Variants in AGBL4 observed in about 807,000 individuals in gnomAD.
AGBL4 encodes cytosolic carboxypeptidase 6.
In AGBL4, 58 loss-of-function variants were observed where a neutral mutation model predicts 66.4. The observed-to-expected ratio is 0.87, with a 90% CI of 0.71 to 1.09. The LOEUF (loss-of-function observed/expected upper bound fraction) is 1.09, where lower values mean the gene tolerates loss of function less well. AGBL4 is among the 50% of genes least tolerant of loss of function. The pLI is 0.00. For synonymous variants in AGBL4, 234 were observed against 222.9 expected (o/e 1.05, Z -0.44); for missense variants, 579 against 631.0 (o/e 0.92, Z 0.88).
At chr1:48,546,773 A>G (rs967891687) in intron 11 of AGBL4, among the ~76,000 whole-genome samples, 7 of 152,000 alleles carry the variant, frequency 4.6e-5, no homozygotes, top group African/African-American at 1.2e-4. Flanking sequence ...GGCTCAGGGT[A>G]TACTATGGTT....
chr1:49,600,790 T>TA (rs572646202), intron 3 of AGBL4, among the ~76,000 whole-genome samples: 28 of 152,336 alleles, frequency 1.8e-4, no homozygotes, highest in Admixed American at 1.8e-3. Flanking sequence ...CAGGAGCTCT[T>TA]ATAAGGCAGG....
At chr1:49,878,468 C>CT (rs1647098486) in intron 1 of AGBL4, among the ~76,000 whole-genome samples, 1 of 151,800 alleles carries the variant, frequency 6.6e-6, no homozygotes, top group Non-Finnish European at 1.5e-5. Flanking sequence ...AGTTGAGCAG[C>CT]TTTGAGTGAG....
chr1:49,425,905 C>T (rs1645647517), intron 3 of AGBL4, among the ~76,000 whole-genome samples: 1 of 152,138 alleles, frequency 6.6e-6, no homozygotes, highest in Non-Finnish European at 1.5e-5. Context: ...CTCATCTGTT[C>T]CTTGTCATCT....
intron 2 of AGBL4, among the ~76,000 whole-genome samples, chr1:49,758,503 TG>T (rs1311086028): frequency 1.3e-5 from 2 of 152,060 alleles, no homozygotes; most frequent in Non-Finnish European, 2.9e-5. Context: ...CCCAGGGTCA[TG>T]GGAGGCCACC....
rs538323205 is a variant in AGBL4 at position 49,213,769 on chromosome 1, C to T, written c.377+32001G>A. 3.9e-5 allele frequency among the ~76,000 whole-genome samples: 6 copies of T among 152,158 alleles called. No individual in the cohort carries two copies. In the East Asian group the frequency reaches 5.8e-4, roughly 15 times the overall value. ...TGAGTGAATTAAGAGGTTTGAGATC[C>T]GGGCAGGCCAGCTTATATACCTCCT... On this transcript the variant is annotated intron_variant, in intron 4 of 13. Coordinates refer to ENST00000371839, the MANE Select transcript of AGBL4 (RefSeq NM_032785.4).
chr1:48,937,202 T>C (rs910908121), intron 5 of AGBL4, among the ~76,000 whole-genome samples: 2 of 152,224 alleles, frequency 1.3e-5, no homozygotes, highest in Non-Finnish European at 2.9e-5. Flanking sequence ...ATTGTGCAGA[T>C]GAGAATATTA....
intron 4 of AGBL4, among the ~76,000 whole-genome samples, chr1:49,145,098 G>A (rs908760047): frequency 6.6e-6 from 1 of 152,052 alleles, no homozygotes; most frequent in Non-Finnish European, 1.5e-5. Context: ...CCGGAATCCA[G>A]GATTTGACTA....
intron 4 of AGBL4, among the ~76,000 whole-genome samples, chr1:49,092,435 T>A (rs1645019366): frequency 6.6e-6 from 1 of 152,142 alleles, no homozygotes; most frequent in South Asian, 2.1e-4. Context: ...ACTTGGAGCA[T>A]CTTATTGTTC....
intron 4 of AGBL4, among the ~76,000 whole-genome samples, chr1:49,170,255 TTA>T (rs1196017028): frequency 6.9e-6 from 1 of 145,554 alleles, no homozygotes; most frequent in Non-Finnish European, 1.5e-5. Flanking sequence ...TATAAATATA[TTA>T]TAAATTTATA....
intron 1 of AGBL4, among the ~76,000 whole-genome samples, chr1:49,953,280 A>G (rs539529246): frequency 1.1e-4 from 17 of 152,058 alleles, no homozygotes; most frequent in South Asian, 2.1e-4. Context: ...TATTTCCAAG[A>G]TTATGACACA....
chr1:49,544,491 A>G (rs1026337471), intron 3 of AGBL4, among the ~76,000 whole-genome samples: 14 of 152,220 alleles, frequency 9.2e-5, no homozygotes, highest in Admixed American at 8.5e-4. Flanking sequence ...AGTGGTATGT[A>G]TATTCAGATA....
chr1:49,672,921 C>CAAAAA (rs60612868), intron 3 of AGBL4, among the ~76,000 whole-genome samples: 742 of 42,488 alleles, frequency 0.017, no homozygotes, highest in Non-Finnish European at 0.027. Context: ...AACTCCATCT[C>CAAAAA]AAAAAAAAAA....
At chr1:49,926,026 C>A (rs1294462719) in intron 1 of AGBL4, among the ~76,000 whole-genome samples, 1 of 152,182 alleles carries the variant, frequency 6.6e-6, no homozygotes, top group Non-Finnish European at 1.5e-5. Context: ...AGGCCTTGAG[C>A]AAACATAGGT....
intron 2 of AGBL4, among the ~76,000 whole-genome samples, chr1:49,756,449 T>A (rs542539100): frequency 6.6e-6 from 1 of 152,362 alleles, no homozygotes; most frequent in African/African-American, 2.4e-5. Context: ...AAGTCAGGCC[T>A]CTGGTTGAAG....
intron 3 of AGBL4, among the ~76,000 whole-genome samples, chr1:49,650,118 C>CT (rs201117830): frequency 6.6e-6 from 1 of 152,096 alleles, no homozygotes; most frequent in African/African-American, 2.4e-5. Flanking sequence ...TTTCCTTGTT[C>CT]TTTTTTTCCC....
intron 9 of AGBL4, among the ~76,000 whole-genome samples, chr1:48,622,917 G>A (rs1163596107): frequency 6.6e-6 from 1 of 152,170 alleles, no homozygotes; most frequent in African/African-American, 2.4e-5. Context: ...GGACACTGAA[G>A]CTCAGAAAGG....
intron 1 of AGBL4, among the ~76,000 whole-genome samples, chr1:49,960,636 A>G (rs2148342736): frequency 6.6e-6 from 1 of 152,240 alleles, no homozygotes; most frequent in Admixed American, 6.6e-5. Flanking sequence ...TCTAATCACT[A>G]TACATTGTAT....
rs989998057 is a variant in AGBL4, at chr1:49,048,973, AACCTG to A, written c.378-3178_378-3174del. Among the ~76,000 whole-genome samples, 5 of 152,084 alleles carry A rather than the reference AACCTG, an allele frequency of 3.3e-5. No homozygotes were observed. The East Asian group carries it at 5.8e-4, about 18-fold the overall frequency. On this transcript the variant is annotated intron_variant, in intron 4 of 13. Coordinates refer to ENST00000371839, the MANE Select transcript of AGBL4 (RefSeq NM_032785.4). ...CAGCCTTACCTTCTACTTCCAGAAA[AACCTG>A]ATTTTATAGTACTCTCTTGCTAAAA...
intron 6 of AGBL4, among the ~76,000 whole-genome samples, chr1:48,698,902 C>A (rs930685436): frequency 1.1e-4 from 17 of 152,306 alleles, no homozygotes; most frequent in Middle Eastern, 3.4e-3. Flanking sequence ...AACCTAGGTC[C>A]AGCTGATCCC....
Sources: gnomAD v4.1 joint callset for allele counts (sites outside exome capture counted in the v4.1 genomes callset) on GRCh38, gnomAD v4.1.1 for gene constraint, MANE v1.5 for transcripts, NCBI Gene and HGNC (gene_info 2026-07-23, HGNC 2026-07-21) for gene names.